The following ROCK2 variants were observed in gnomAD, a reference collection of about 807,000 sequenced individuals.
ROCK2 encodes the protein rho-associated protein kinase 2.
In ROCK2, 61 loss-of-function variants were observed where a neutral mutation model predicts 195.1. The ratio of observed to expected loss-of-function variants is 0.31; its 90% CI spans 0.25 to 0.39. The LOEUF (loss-of-function observed/expected upper bound fraction) is 0.39. Among genes scored for constraint, ROCK2 ranks in the 10% least tolerant of loss-of-function variants. ROCK2 has a pLI of 1.00. For missense variants in ROCK2, 1,109 were observed against 1,637.4 expected (o/e 0.68, Z 5.57); for synonymous variants, 504 against 545.5 (o/e 0.92, Z 1.06).
At chr2:11,306,136 T>C (rs1008682821) in intron 1 of ROCK2, among the ~76,000 whole-genome samples, 1 of 152,330 alleles carries the variant, frequency 6.6e-6, no homozygotes, top group East Asian at 1.9e-4. Flanking sequence ...AGAACATTAT[T>C]TGGACAGTTG....
At position 11,344,532 on chromosome 2, in the gene ROCK2, T is replaced by A; in HGVS notation, c.-396A>T. ...GCCCCGGGAGGCTGAAGCCCAGGCC[T>A]GGGCCACTACGGCCGCCGCCGGCCC... On this transcript the variant is annotated 5_prime_UTR_variant, in exon 1 of 33. Transcript: ENST00000315872. The surrounding 1 kb of genome is among the most constrained non-coding windows in gnomAD (Gnocchi z 5.4). 1.0e-6 allele frequency: 1 copy of A among 978,768 alleles called. No homozygotes were observed. The highest frequency in any genetic ancestry group is 1.2e-6 in the Non-Finnish European group (1 of 826,398). The allele number at this position is 978,768 out of a possible 1,614,324, so 60.6% of individuals were successfully genotyped here. A position where few individuals can be genotyped will look rare whatever the true frequency, so the allele number is the denominator to read the frequency against.
At chr2:11,330,742 GA>G (rs1668695481) in intron 1 of ROCK2, among the ~76,000 whole-genome samples, 1 of 26,544 alleles carries the variant, frequency 3.8e-5, no homozygotes, top group East Asian at 4.7e-3. Flanking sequence ...GATGAGGAGG[GA>G]GGAGGGAGGA....
intron 3 of ROCK2, among the ~76,000 whole-genome samples, chr2:11,266,431 A>G (rs1051733493): frequency 6.6e-6 from 1 of 152,206 alleles, no homozygotes; most frequent in Non-Finnish European, 1.5e-5. Flanking sequence ...ATTTACCAAA[A>G]CACCATAATG....
At chr2:11,316,388 T>G (rs970184861) in intron 1 of ROCK2, among the ~76,000 whole-genome samples, 5 of 152,118 alleles carry the variant, frequency 3.3e-5, no homozygotes, top group Non-Finnish European at 7.4e-5. Context: ...CATGTCAGGT[T>G]TATATAACAA....
chr2:11,206,218 T>C (rs986798689), intron 20 of ROCK2, among the ~76,000 whole-genome samples: 3 of 152,058 alleles, frequency 2.0e-5, no homozygotes, highest in African/African-American at 2.4e-5. Flanking sequence ...GTGGCTAAGA[T>C]AGAAAACATG....
Position 11,194,967 on chromosome 2 carries a change from T to C in ROCK2, c.3507A>G (p.Gly1169=), listed in dbSNP as rs1663574536. The C allele has an allele frequency of 1.3e-6, 2 of 1,573,038 alleles. No individual in the cohort carries two copies. Among genetic ancestry groups the C allele is most frequent in the South Asian group, 2.4e-5 (2 of 84,900 alleles). The change falls in exon 28 of 33, where the codon GGA becomes GGG. Residue 1169 remains glycine (G), a synonymous_variant. Coordinates refer to ENST00000315872, the MANE Select transcript of ROCK2 (RefSeq NM_004850.5). ...AAGTATCAATTACCTTTTTAACCCA[T>C]CCAAATTTCTTAGTGTTGTTTCGTA... The part of the protein sequence containing the change: ...LPVRNNTKKF[G]WVKKYVIVSS...
chr2:11,344,221 T>G lies in ROCK2; in HGVS notation c.-85A>C. ...CTAGCACCGCCCCCGAACCACCAGC[T>G]CCGGCCGGGACTCCACCCGGGCCCA... On this transcript the variant is annotated 5_prime_UTR_variant, in exon 1 of 33. Transcript: ENST00000315872. This position sits in a 1 kb window ranked among gnomAD's most constrained non-coding sequence, Gnocchi z 5.4. 2 of 1,319,084 alleles carry G rather than the reference T, an allele frequency of 1.5e-6. No homozygotes were observed. Among genetic ancestry groups the G allele is most frequent in the Non-Finnish European group, 9.6e-7 (1 of 1,037,690 alleles). The allele number at this position is 1,319,084 out of a possible 1,614,324, so 81.7% of individuals were successfully genotyped here.
At chr2:11,274,002 C>A (rs1027326177) in intron 3 of ROCK2, among the ~76,000 whole-genome samples, 1 of 149,574 alleles carries the variant, frequency 6.7e-6, no homozygotes, top group African/African-American at 2.5e-5. Flanking sequence ...TTAAACAACA[C>A]ACAAATAACC....
chr2:11,344,287 C>T lies in ROCK2; in HGVS notation c.-151G>A. ...TCCGGCTTCGGGTCTCCAAGGCGGT[C>T]CCCCGCCTGGGGGCTGCTCCCAGGG... On this transcript the variant is annotated 5_prime_UTR_variant, in exon 1 of 33. Transcript: ENST00000315872. The surrounding 1 kb of genome is among the most constrained non-coding windows in gnomAD (Gnocchi z 5.4). 1.6e-6 allele frequency: 2 copies of T among 1,249,124 alleles called. No individual in the cohort carries two copies. The highest frequency in any genetic ancestry group is 1.6e-5 in the African/African-American group (1 of 63,924). 77.4% of individuals were successfully genotyped at this position (1,249,124 alleles called of 1,614,324 possible). A position where few individuals can be genotyped will look rare whatever the true frequency, so the allele number is the denominator to read the frequency against.
Position 11,217,117 on chromosome 2 carries a change from G to A in ROCK2, c.1385C>T (p.Ala462Val), listed in dbSNP as rs761964777. Residue 462 changes from alanine (A) to valine (V), a missense_variant, in exon 12 of 33, where the codon GCC becomes GTC. Ala to Val is a moderately conservative substitution (Grantham distance 64). Transcript: ENST00000315872. ...LEEHLSNEMQ[A>V]KEELEQKCKS... The stretch of plus-strand genomic sequence containing the variant: ...GCACTTCTGTTCCAGTTCCTCTTTG[G>A]CTTGCATCTCATTGCTAAGATGTTC... 1 of 1,569,754 alleles carries A rather than the reference G, an allele frequency of 6.4e-7. No homozygotes were observed. Among genetic ancestry groups the A allele is most frequent in the East Asian group, 2.2e-5 (1 of 44,590 alleles).
chr2:11,198,883 C>CTT (rs34674935), intron 23 of ROCK2, 109 bp from the exon 24 acceptor site: 26,085 of 479,212 alleles, frequency 0.054, 7 homozygotes, highest in East Asian at 0.079. Flanking sequence ...TCTTATTTTT[C>CTT]TTTTTTTTTT....
At chr2:11,215,747 G>A in intron 13 of ROCK2, 102 bp from the exon 14 acceptor site, 3 of 920,730 alleles carry the variant, frequency 3.3e-6, no homozygotes, top group Non-Finnish European at 4.7e-6. Context: ...ATCTCAAAAA[G>A]GCTTTCACTG....
intron 4 of ROCK2, among the ~76,000 whole-genome samples, chr2:11,247,751 G>A (rs1299793509): frequency 1.3e-5 from 2 of 152,206 alleles, no homozygotes; most frequent in African/African-American, 2.4e-5. Flanking sequence ...CAGGCGCAGA[G>A]GCTCATGCCT....
chr2:11,251,220 G>C (rs1364595094), intron 3 of ROCK2, among the ~76,000 whole-genome samples: 6 of 152,084 alleles, frequency 3.9e-5, no homozygotes, highest in Admixed American at 1.3e-4. Context: ...CTATTTCTCA[G>C]CACCAGAATA....
Position 11,258,875 on chromosome 2 carries a change from G to T in ROCK2, c.325-9077C>A, listed in dbSNP as rs1042024074. Among the ~76,000 whole-genome samples the T allele has an allele frequency of 1.3e-5, 2 of 150,328 alleles. 1 individual carries two copies. Among genetic ancestry groups the T allele is most frequent in the Non-Finnish European group, 2.9e-5 (2 of 67,920 alleles). On this transcript the variant is annotated intron_variant, in intron 3 of 32. Coordinates refer to ENST00000315872, the MANE Select transcript of ROCK2 (RefSeq NM_004850.5). Reference sequence around the variant, plus strand: ...GTTTGATGTGTGGATCCTGGAAAGGGATTAAAAAAAAAAGAAAACTGAAAA... The same window carrying T: ...GTTTGATGTGTGGATCCTGGAAAGGTATTAAAAAAAAAAGAAAACTGAAAA...
intron 1 of ROCK2, among the ~76,000 whole-genome samples, chr2:11,334,309 G>C (rs1419606662): frequency 6.6e-6 from 1 of 152,040 alleles, no homozygotes; most frequent in African/African-American, 2.4e-5. Context: ...TCAGGAGTTT[G>C]AGACCATCCT....
intron 5 of ROCK2, among the ~76,000 whole-genome samples, chr2:11,227,709 C>A (rs145712784): frequency 6.6e-6 from 1 of 152,110 alleles, no homozygotes; most frequent in Non-Finnish European, 1.5e-5. Context: ...TTATTTCTTA[C>A]ACTACAGTTA....
chr2:11,272,204 A>T (rs151023055), intron 3 of ROCK2, among the ~76,000 whole-genome samples: 1 of 152,270 alleles, frequency 6.6e-6, no homozygotes, highest in East Asian at 1.9e-4. Context: ...GCTTGTTACC[A>T]GTAGACCTGA....
chr2:11,286,249 T>TTTTTTTTTTTTTTTTTTTTTGAG (rs1482990918), intron 3 of ROCK2, among the ~76,000 whole-genome samples: 17 of 144,424 alleles, frequency 1.2e-4, no homozygotes, highest in African/African-American at 1.7e-4. Flanking sequence ...CAGATGTTTT[T>TTTTTTTTTTTTTTTTTTTTTGAG]AATCTGAACA....
Sources: allele counts gnomAD v4.1 joint callset (sites outside exome capture counted in the v4.1 genomes callset), GRCh38; gene constraint gnomAD v4.1.1; non-coding constraint Gnocchi (gnomAD v3.1); transcripts MANE v1.5; gene names NCBI Gene and HGNC (gene_info 2026-07-23, HGNC 2026-07-21).